LDHA: variants seen among roughly 807,000 people sequenced by gnomAD.
LDHA encodes L-lactate dehydrogenase A chain.
LDHA carries 10 observed loss-of-function variants against 36.3 expected under a neutral mutation model. The ratio of observed to expected loss-of-function variants is 0.28; its 90% confidence interval spans 0.17 to 0.47. The LOEUF is 0.47. Ranked by LOEUF, LDHA falls within the 20% of genes least tolerant of loss-of-function variation. The probability of loss-of-function intolerance (pLI) is 0.99; values close to 1 mark genes in which losing one functional copy is unlikely to be tolerated. For synonymous variants in LDHA, 110 were observed against 136.7 expected, an observed-to-expected ratio of 0.80 and a Z score of 1.36; for missense variants, 267 against 405.8, an observed-to-expected ratio of 0.66 and a Z score of 2.94.
Position 18,407,248 on chromosome 11 carries a change from A to G in LDHA, c.966A>G (p.Thr322=). The G allele has an allele frequency of 6.2e-7, 1 of 1,613,948 alleles. No individual in the cohort carries two copies. Among genetic ancestry groups the G allele is most frequent in the Non-Finnish European group, 8.5e-7 (1 of 1,179,874 alleles). The part of the protein sequence containing the change: ...EEARLKKSAD[T]LWGIQKELQF ...CCCGTTTGAAGAAGAGTGCAGATAC[A>G]CTTTGGGGGATCCAAAAGGAGCTGC... is the stretch of plus-strand genomic sequence containing the variant. Residue 322 remains threonine, a synonymous_variant, in exon 8 of 8, where the codon ACA becomes ACG. Transcript: ENST00000422447.
rs138352370 is a variant in LDHA at position 18,407,367 on chromosome 11, C to A, written c.*86C>A. 9 of 1,608,000 alleles carry A rather than the reference C, an allele frequency of 5.6e-6. No individual in the cohort carries two copies. The African/African-American group carries it at 9.4e-5, about 17-fold the overall frequency. ...GTGCATGTTGTCCTTTTTATCTGAT[C>A]TGTGATTAAAGCAGTAATATTTTAA... On this transcript the variant is annotated 3_prime_UTR_variant, in exon 8 of 8. Coordinates refer to ENST00000422447, the MANE Select transcript of LDHA (RefSeq NM_005566.4).
At chr11:18,404,496 C>T (rs948308842) in intron 6 of LDHA, among the ~76,000 whole-genome samples, 3 of 152,018 alleles carry the variant, frequency 2.0e-5, no homozygotes, top group African/African-American at 7.2e-5. Flanking sequence ...CTGTGTGGAC[C>T]TCAGGTCTAT....
intron 7 of LDHA, 76 bp from the exon 8 acceptor site, chr11:18,407,041 A>T: frequency 8.8e-7 from 1 of 1,134,612 alleles, no homozygotes; most frequent in Non-Finnish European, 1.3e-6. Context: ...TTATAATTAT[A>T]GAGACTGTAA....
chr11:18,403,289 T>A (rs1866566404), intron 5 of LDHA, among the ~76,000 whole-genome samples: 1 of 152,214 alleles, frequency 6.6e-6, no homozygotes, highest in Non-Finnish European at 1.5e-5. Context: ...TCATTTAATA[T>A]CACAGCTGTT....
In LDHA at chr11:18,397,007, A is replaced by T. The variant is rs972957908; in HGVS notation, c.126+39A>T. 5 of 1,597,002 alleles carry T rather than the reference A, an allele frequency of 3.1e-6. No individual in the cohort carries two copies. The African/African-American group carries it at 6.7e-5, about 21-fold the overall frequency. ...TACCACACTGGAAGCCCATACCTTG[A>T]CCCCATCCTCTACCCCCACTCCTAC... On this transcript the variant is annotated intron_variant, in intron 2 of 7. Coordinates refer to ENST00000422447, the MANE Select transcript of LDHA (RefSeq NM_005566.4).
At chr11:18,396,129 G>A in intron 1 of LDHA, 1 of 166,894 alleles carries the variant, frequency 6.0e-6, no homozygotes, top group Non-Finnish European at 1.3e-5. Context: ...TACGGGCGGG[G>A]CTTCTCAGCC....
At chr11:18,398,140 T>A (rs2134019438) in intron 2 of LDHA, among the ~76,000 whole-genome samples, 1 of 152,322 alleles carries the variant, frequency 6.6e-6, no homozygotes, top group Non-Finnish European at 1.5e-5. Context: ...GATTTAGGGA[T>A]AGATCTGCAG....
At chr11:18,407,092 T>TTTG (rs1435407161) in intron 7 of LDHA, 25 bp from the exon 8 acceptor site, 3 of 1,582,358 alleles carry the variant, frequency 1.9e-6, no homozygotes, top group Non-Finnish European at 2.6e-6. Context: ...AATGTGAGAT[T>TTTG]TTTTTTTTTT....
Position 18,408,329 on chromosome 11 carries a change from TA to T in LDHA, c.*1055del, listed in dbSNP as rs1009437495. On this transcript the variant is annotated 3_prime_UTR_variant, in exon 8 of 8. Coordinates refer to ENST00000422447, the MANE Select transcript of LDHA (RefSeq NM_005566.4). ...GCCAACACAACAAAACCCCATCTGT[TA>T]AAAAAACAAAACAAAACCAAAAAAA... is the stretch of plus-strand genomic sequence containing the variant. The T allele has an allele frequency of 2.6e-6, 1 of 380,014 alleles. No homozygotes were observed. The allele number at this position is 380,014 out of a possible 1,614,324, so 23.5% of individuals were successfully genotyped here. A position where few individuals can be genotyped will look rare whatever the true frequency, so the allele number is the denominator to read the frequency against.
chr11:18,400,500 G>C, intron 3 of LDHA: 1 of 367,724 alleles, frequency 2.7e-6, no homozygotes, highest in Non-Finnish European at 5.3e-6. Flanking sequence ...CCTGTTCCTG[G>C]GCTGATAGGA....
At chr11:18,394,661 G>A (rs200461215) in intron 1 of LDHA, 25 bp downstream of exon 1, 2 of 453,690 alleles carry the variant, frequency 4.4e-6, no homozygotes, top group Non-Finnish European at 8.8e-6. Flanking sequence ...TGCGCGCACG[G>A]CGCCAGAGGG....
At chr11:18,403,955 G>C (rs972944058) in intron 6 of LDHA, 144 bp downstream of exon 6, 1 of 669,102 alleles carries the variant, frequency 1.5e-6, no homozygotes, top group Non-Finnish European at 2.7e-6. Flanking sequence ...GTTTGAGACA[G>C]AATCTTGCCC....
intron 1 of LDHA, chr11:18,396,545 G>T: frequency 7.5e-7 from 1 of 1,332,818 alleles, no homozygotes; most frequent in South Asian, 2.3e-5. Context: ...TTAATAAACC[G>T]CGATGGGTGA....
chr11:18,407,211 C>T lies in LDHA; in HGVS notation c.929C>T (p.Ser310Phe). ...ISDLVKVTLT[S>F]EEEARLKKSA... is the part of the protein sequence containing the mutation. ...GACCTTGTGAAGGTGACTCTGACTT[C>T]TGAGGAAGAGGCCCGTTTGAAGAAG... The change falls in exon 8 of 8, where the codon TCT becomes TTT. Residue 310 changes from serine to phenylalanine, a missense_variant. Ser to Phe is a radical substitution (Grantham distance 155). Coordinates refer to ENST00000422447, the MANE Select transcript of LDHA (RefSeq NM_005566.4). 6.2e-7 allele frequency: 1 copy of T among 1,613,506 alleles called. No homozygotes were observed.
At chr11:18,403,563 A>G (rs895700308) in intron 5 of LDHA, 131 bp from the exon 6 acceptor site, 6 of 736,692 alleles carry the variant, frequency 8.1e-6, no homozygotes. Context: ...AGTAATGACT[A>G]CATTAGTAGT....
intron 2 of LDHA, chr11:18,397,369 C>T (rs1866338402): frequency 6.2e-6 from 1 of 160,546 alleles, no homozygotes; most frequent in South Asian, 1.7e-4. Context: ...CCACTCAAAT[C>T]TCATTGCCCC....
Position 18,401,473 on chromosome 11 carries a change from C to CTTTTTTTTTTT in LDHA, c.418+475_418+485dup, listed in dbSNP as rs58157049. Among the ~76,000 whole-genome samples, 303 of 68,594 alleles carry CTTTTTTTTTTT rather than the reference C, an allele frequency of 4.4e-3. 10 individuals are homozygous for CTTTTTTTTTTT. The highest frequency in any genetic ancestry group is 0.016 in the Middle Eastern group (1 of 62). 45.0% of individuals were successfully genotyped at this position (68,594 alleles called of 152,430 possible). ...CATATTTATTGATTCATTTATTTTT[C>CTTTTTTTTTTT]TTTTTTTTTTTTTTTTTTTTTTGAG... On this transcript the variant is annotated intron_variant, in intron 4 of 7. Coordinates refer to ENST00000422447, the MANE Select transcript of LDHA (RefSeq NM_005566.4).
Position 18,404,807 on chromosome 11 carries a change from C to CAAAAAAA in LDHA, c.711-638_711-632dup, listed in dbSNP as rs10684351. Reference sequence around the variant, plus strand: ...TGGGCGACAGAGCGAGACTCCGTCTCAAAAAAAAAAGAATCATAATCTTTA... The same window carrying CAAAAAAA: ...TGGGCGACAGAGCGAGACTCCGTCTCAAAAAAAAAAAAAAAAAGAATCATAATCTTTA... On this transcript the variant is annotated intron_variant, in intron 6 of 7. Transcript: ENST00000422447. Among the ~76,000 whole-genome samples, 17 of 125,612 alleles carry CAAAAAAA rather than the reference C, an allele frequency of 1.4e-4. 2 individuals carry two copies. The East Asian group carries it at 2.1e-3, about 15-fold the overall frequency. The allele number at this position is 125,612 out of a possible 152,430, so 82.4% of individuals were successfully genotyped here.
In LDHA at chr11:18,400,704, C is replaced by T. The variant is rs1184472418; in HGVS notation, c.245-133C>T. The T allele has an allele frequency of 5.6e-6, 4 of 712,934 alleles. No homozygotes were observed. The East Asian group carries it at 8.1e-5, about 14-fold the overall frequency. 44.2% of individuals were successfully genotyped at this position (712,934 alleles called of 1,614,324 possible). On this transcript the variant is annotated intron_variant, in intron 3 of 7. Transcript: ENST00000422447. ...GGAAGATGTTGACATGCTCTTCCTC[C>T]ATTTAAGAAGCCATAATGATAAAAC...
Sources: gnomAD v4.1 joint callset for allele counts (sites outside exome capture counted in the v4.1 genomes callset) on GRCh38, gnomAD v4.1.1 for gene constraint, MANE v1.5 for transcripts, NCBI Gene and HGNC (gene_info 2026-07-23, HGNC 2026-07-21) for gene names.